NIBAN1: variants seen among roughly 807,000 people sequenced by gnomAD.
The protein encoded by NIBAN1 is protein Niban 1.
A neutral mutation model predicts 75.1 loss-of-function variants in NIBAN1; 81 were observed. That is an observed-to-expected ratio of 1.08 (90% confidence interval 0.90 to 1.30). NIBAN1 has a LOEUF of 1.30. Among genes scored for constraint, NIBAN1 ranks in the 50% most tolerant of loss-of-function variants. NIBAN1 has a pLI of 0.00. For synonymous variants in NIBAN1, 436 were observed against 424.8 expected (o/e 1.03, Z -0.32); for missense variants, 1,133 against 1,128.1 (o/e 1.00, Z -0.06).
At chr1:184,952,034 C>T (rs537897535) in intron 1 of NIBAN1, among the ~76,000 whole-genome samples, 8 of 152,304 alleles carry the variant, frequency 5.3e-5, no homozygotes, top group East Asian at 1.9e-4. Context: ...TTGTTCATCC[C>T]GTTTCACAGA....
Position 184,812,916 on chromosome 1 carries a change from A to T in NIBAN1, c.1174-4681T>A, listed in dbSNP as rs578022745. Among the ~76,000 whole-genome samples, 155 of 152,328 alleles carry T rather than the reference A, an allele frequency of 1.0e-3. 1 individual carries two copies. Among genetic ancestry groups the T allele is most frequent in the Non-Finnish European group, 1.5e-3 (99 of 68,028 alleles). On this transcript the variant is annotated intron_variant, in intron 9 of 13. Coordinates refer to ENST00000367511, the MANE Select transcript of NIBAN1 (RefSeq NM_052966.4). Reference sequence around the variant, plus strand: ...ATCTTAAATTTTCCTTTCTCTGAGCATCTGGGAGATTACCTACTTTGGTAA... The same window carrying T: ...ATCTTAAATTTTCCTTTCTCTGAGCTTCTGGGAGATTACCTACTTTGGTAA...
intron 13 of NIBAN1, among the ~76,000 whole-genome samples, chr1:184,796,949 C>T (rs1653890386): frequency 6.6e-6 from 1 of 152,190 alleles, no homozygotes; most frequent in Non-Finnish European, 1.5e-5. Context: ...CGAGCCCTTC[C>T]TTTGTGTAGA....
rs746072459 is a variant in NIBAN1 at position 184,796,132 on chromosome 1, G to A, written c.1667-35C>T. The A allele has an allele frequency of 1.4e-5, 21 of 1,485,878 alleles. No homozygotes were observed. The African/African-American group carries it at 2.5e-4, about 18-fold the overall frequency. The allele number at this position is 1,485,878 out of a possible 1,614,324, so 92.0% of individuals were successfully genotyped here. A position where few individuals can be genotyped will look rare whatever the true frequency, so the allele number is the denominator to read the frequency against. On this transcript the variant is annotated intron_variant, in intron 13 of 13. Transcript: ENST00000367511. ...ATCAGAAAACAAAACATGATTTTCT[G>A]ATTTTATTGAGAAGCCAAAGTCCCC...
At chr1:184,831,345 G>A (rs1047518033) in intron 6 of NIBAN1, among the ~76,000 whole-genome samples, 2 of 152,056 alleles carry the variant, frequency 1.3e-5, no homozygotes, top group African/African-American at 2.4e-5. Context: ...AGACAGCTGC[G>A]TACCAAATAC....
chr1:184,974,179 GTC>G (rs1394692138), intron 1 of NIBAN1, 121 bp downstream of exon 1: 28 of 1,038,362 alleles, frequency 2.7e-5, no homozygotes, highest in Non-Finnish European at 3.4e-5. Flanking sequence ...GCGGGCTGCG[GTC>G]GGGGATCCCC....
chr1:184,952,399 T>A (rs761016926), intron 1 of NIBAN1, among the ~76,000 whole-genome samples: 4 of 152,036 alleles, frequency 2.6e-5, no homozygotes, highest in Non-Finnish European at 2.9e-5. Context: ...AGACCCTGTC[T>A]CAAAAAAAGA....
intron 3 of NIBAN1, 37 bp from the exon 4 acceptor site, chr1:184,890,259 TC>T: frequency 6.6e-7 from 1 of 1,511,504 alleles, no homozygotes; most frequent in Non-Finnish European, 9.2e-7. Flanking sequence ...GATATCTTTT[TC>T]CCCATTTGAT....
chr1:184,880,163 G>C (rs1656340080), intron 5 of NIBAN1, among the ~76,000 whole-genome samples: 1 of 152,200 alleles, frequency 6.6e-6, no homozygotes, highest in African/African-American at 2.4e-5. Flanking sequence ...ATCCAGTGAT[G>C]GCTGCCTTCT....
At chr1:184,832,793 A>C (rs1227290642) in intron 5 of NIBAN1, among the ~76,000 whole-genome samples, 1 of 152,178 alleles carries the variant, frequency 6.6e-6, no homozygotes, top group Non-Finnish European at 1.5e-5. Context: ...GTGGAACTTA[A>C]GGTGTATAGA....
chr1:184,971,059 G>A (rs1178230860), intron 1 of NIBAN1, among the ~76,000 whole-genome samples: 4 of 151,980 alleles, frequency 2.6e-5, no homozygotes, highest in Non-Finnish European at 4.4e-5. Flanking sequence ...GCCAAGGCGG[G>A]AAGACTGCTT....
chr1:184,917,149 G>A (rs1657405423), intron 1 of NIBAN1, among the ~76,000 whole-genome samples: 1 of 151,758 alleles, frequency 6.6e-6, no homozygotes, highest in South Asian at 2.1e-4. Flanking sequence ...AGCCTGGGCT[G>A]GACTCATTGC....
chr1:184,974,195 C>T, intron 1 of NIBAN1, 107 bp downstream of exon 1: 4 of 1,151,534 alleles, frequency 3.5e-6, no homozygotes, highest in Non-Finnish European at 4.5e-6. Flanking sequence ...GATCCCCGCG[C>T]GCTACAGGGA....
At chr1:184,823,616 G>A in intron 7 of NIBAN1, 22 bp downstream of exon 7, 1 of 1,609,038 alleles carries the variant, frequency 6.2e-7, no homozygotes, top group African/African-American at 1.3e-5. Context: ...TAGCTCAGTT[G>A]TAGAGCAAAA....
In NIBAN1 at chr1:184,795,825, G is replaced by A; in HGVS notation, c.1939C>T (p.Pro647Ser). ...ACCTGCTCAGTCCCATCTGGGGGTG[G>A]GCTTGGCCCAGGGAGAGAAAGGCTT... ...GESLSLPGPS[P>S]PPDGTEQVII... Residue 647 changes from proline (P) to serine (S), a missense_variant, in exon 14 of 14, where the codon CCA becomes TCA. Physicochemically the swap from Pro to Ser is moderately conservative, Grantham distance 74. Coordinates refer to ENST00000367511, the MANE Select transcript of NIBAN1 (RefSeq NM_052966.4). 1 of 1,609,498 alleles carries A rather than the reference G, an allele frequency of 6.2e-7. No homozygotes were observed. The highest frequency in any genetic ancestry group is 1.1e-5 in the South Asian group (1 of 90,434).
At position 184,886,966 on chromosome 1, in the gene NIBAN1, C is replaced by T. The variant is rs978044394; in HGVS notation, c.434-2166G>A. Among the ~76,000 whole-genome samples the T allele has an allele frequency of 2.0e-5, 3 of 152,128 alleles. No homozygotes were observed. In the East Asian group the frequency reaches 5.8e-4, roughly 29 times the overall value. ...TGAAAACCCATCTCTACTAAAAATA[C>T]AAAAATTAGCCGGGAGTGGTGGCAT... On this transcript the variant is annotated intron_variant, in intron 4 of 13. Transcript: ENST00000367511.
intron 5 of NIBAN1, 68 bp from the exon 6 acceptor site, chr1:184,832,030 G>A: frequency 2.6e-6 from 3 of 1,137,198 alleles, no homozygotes; most frequent in Non-Finnish European, 4.0e-6. Flanking sequence ...CTCTTCAAGT[G>A]TAATGGCTCA....
intron 5 of NIBAN1, among the ~76,000 whole-genome samples, chr1:184,872,188 G>A (rs949814665): frequency 4.0e-5 from 6 of 151,678 alleles, no homozygotes; most frequent in Non-Finnish European, 7.4e-5. Context: ...TTTAAAAATT[G>A]GAAATATAAG....
At chr1:184,970,498 T>C (rs1247529980) in intron 1 of NIBAN1, among the ~76,000 whole-genome samples, 1 of 152,198 alleles carries the variant, frequency 6.6e-6, no homozygotes, top group African/African-American at 2.4e-5. Flanking sequence ...CTTTAAACTT[T>C]GTATCTAGCC....
chr1:184,923,024 C>T (rs549172406), intron 1 of NIBAN1, among the ~76,000 whole-genome samples: 14 of 152,296 alleles, frequency 9.2e-5, no homozygotes, highest in Non-Finnish European at 1.0e-4. Context: ...TGTCTCTTCA[C>T]TTTGTTGATT....
Sources: gnomAD v4.1 joint callset for allele counts (sites outside exome capture counted in the v4.1 genomes callset) on GRCh38, gnomAD v4.1.1 for gene constraint, MANE v1.5 for transcripts, NCBI Gene and HGNC (gene_info 2026-07-23, HGNC 2026-07-21) for gene names.